Variants in CD8A observed in about 807,000 individuals in gnomAD.
CD8A encodes T-cell surface glycoprotein CD8 alpha chain.
CD8A carries 25 observed loss-of-function variants against 24.2 expected under a neutral mutation model. The observed-to-expected ratio is 1.03, with a 90% CI of 0.75 to 1.44. The LOEUF (loss-of-function observed/expected upper bound fraction) is 1.44, where lower values mean the gene tolerates loss of function less well. CD8A is among the 40% of genes most tolerant of loss of function. CD8A has a pLI of 0.00. For synonymous variants in CD8A, 165 were observed against 149.9 expected, an observed-to-expected ratio of 1.10 and a Z score of -0.74; for missense variants, 360 against 319.7, an observed-to-expected ratio of 1.13 and a Z score of -0.96.
At chr2:86,807,811 G>T in intron 1 of CD8A, 1 of 153,250 alleles carries the variant, frequency 6.5e-6, no homozygotes, top group Non-Finnish European at 1.5e-5. Flanking sequence ...GAGTGTGGTG[G>T]GCGCAGGGGC....
chr2:86,789,698 G>T lies in CD8A; in HGVS notation c.456C>A (p.Ile152=), dbSNP rs201388762. 9.3e-6 allele frequency: 13 copies of T among 1,405,112 alleles called. No homozygotes were observed. In the East Asian group the frequency reaches 3.4e-4, roughly 37 times the overall value. 87.0% of individuals were successfully genotyped at this position (1,405,112 alleles called of 1,614,324 possible). ...APRPPTPAPT[I]ASQPLSLRPE... is the part of the protein sequence containing the mutation. Reference sequence around the variant, plus strand: ...GGCGCAGGGACAGGGGCTGCGACGCGATGGTGGGCGCCGGTGTTGGTGGTC... The same window carrying T: ...GGCGCAGGGACAGGGGCTGCGACGCTATGGTGGGCGCCGGTGTTGGTGGTC... The change falls in exon 3 of 6, where the codon ATC becomes ATA. Residue 152 remains isoleucine, a synonymous_variant. Transcript: ENST00000283635.
In CD8A at chr2:86,785,296, T is replaced by C. The variant is rs537178280; in HGVS notation, c.*624A>G. The C allele has an allele frequency of 1.3e-5, 6 of 453,658 alleles. No homozygotes were observed. Among genetic ancestry groups the C allele is most frequent in the East Asian group, 6.9e-5 (1 of 14,396 alleles). 28.1% of individuals were successfully genotyped at this position (453,658 alleles called of 1,614,324 possible). ...GATTATAAAAAAAAAAAGTCTGATA[T>C]TGTTTACATTATAGAACTCTGCCAA... On this transcript the variant is annotated 3_prime_UTR_variant, in exon 6 of 6. Coordinates refer to ENST00000283635, the MANE Select transcript of CD8A (RefSeq NM_001768.7).
upstream of CD8A, chr2:86,791,767 C>A: frequency 2.4e-6 from 1 of 411,778 alleles, no homozygotes. Context: ...CATACACCTG[C>A]AGCTGCAGCT....
At chr2:86,793,505 G>A (rs1269961529), upstream of CD8A, among the ~76,000 whole-genome samples, 1 of 152,216 alleles carries the variant, frequency 6.6e-6, no homozygotes, top group Non-Finnish European at 1.5e-5. Flanking sequence ...GGGAGACAAG[G>A]AAGCAATCAA....
At chr2:86,805,434 C>T (rs1460242128) in intron 2 of CD8A, among the ~76,000 whole-genome samples, 1 of 152,180 alleles carries the variant, frequency 6.6e-6, no homozygotes. Flanking sequence ...GGTTCCAGTC[C>T]ACACTCACAC....
At chr2:86,796,619 T>C (rs528911313) in intron 3 of CD8A, among the ~76,000 whole-genome samples, 1 of 152,226 alleles carries the variant, frequency 6.6e-6, no homozygotes, top group Non-Finnish European at 1.5e-5. Context: ...ACTGTAAAAC[T>C]GATCCAATGA....
At chr2:86,791,634 C>T (rs921112105), upstream of CD8A, 6 of 454,046 alleles carry the variant, frequency 1.3e-5, no homozygotes, top group African/African-American at 4.0e-5. Flanking sequence ...GATCTGACAG[C>T]GTCACTGCTG....
chr2:86,802,944 A>G (rs1026265486), intron 2 of CD8A, among the ~76,000 whole-genome samples: 4 of 152,194 alleles, frequency 2.6e-5, no homozygotes, highest in Non-Finnish European at 5.9e-5. Flanking sequence ...AAAAGGAGTG[A>G]TGAAAAATTT....
chr2:86,797,437 A>G (rs1370135018), intron 3 of CD8A, among the ~76,000 whole-genome samples: 1 of 152,162 alleles, frequency 6.6e-6, no homozygotes, highest in African/African-American at 2.4e-5. Context: ...CTATAAGAGA[A>G]GCACAGAGAG....
At chr2:86,787,898 A>AGAGAGTGTGTGTGTGTGT (rs369993109) in intron 5 of CD8A, among the ~76,000 whole-genome samples, 5 of 144,490 alleles carry the variant, frequency 3.5e-5, no homozygotes, top group Admixed American at 6.9e-5. Flanking sequence ...AGAGAGAGAG[A>AGAGAGTGTGTGTGTGTGT]GTGTGTGTGT....
rs1350937172 is a variant in CD8A, at chr2:86,789,885, G to T, written c.404-135C>A. On this transcript the variant is annotated intron_variant, in intron 2 of 5. Transcript: ENST00000283635. ...GGAGAAGGGATAGCAGAGGAGACAG[G>T]ATGGGGACCCCGGGATGCGCGCGGA... The T allele has an allele frequency of 8.5e-6, 5 of 586,030 alleles. No individual in the cohort carries two copies. The East Asian group carries it at 1.6e-4, about 19-fold the overall frequency. 36.3% of individuals were successfully genotyped at this position (586,030 alleles called of 1,614,324 possible).
intron 1 of CD8A, 41 bp downstream of exon 1, chr2:86,790,736 G>GCCC: frequency 3.0e-6 from 2 of 658,614 alleles, no homozygotes; most frequent in Non-Finnish European, 4.6e-6. Flanking sequence ...CCCGCCCCCC[G>GCCC]CCCGCCCCAT....
At chr2:86,792,343 T>C (rs1046796696), upstream of CD8A, among the ~76,000 whole-genome samples, 1 of 152,270 alleles carries the variant, frequency 6.6e-6, no homozygotes, top group Non-Finnish European at 1.5e-5. Context: ...GCCCCACCCA[T>C]TAGTTCTGCT....
chr2:86,793,454 G>A (rs745453149), upstream of CD8A, among the ~76,000 whole-genome samples: 15 of 152,132 alleles, frequency 9.9e-5, no homozygotes, highest in Admixed American at 2.0e-4. Context: ...AGGGTCCCTC[G>A]CTGTGTAGAC....
intron 5 of CD8A, among the ~76,000 whole-genome samples, chr2:86,788,245 GTTTTTT>G (rs10663115): frequency 9.4e-5 from 12 of 127,110 alleles, no homozygotes; most frequent in South Asian, 2.5e-4. Flanking sequence ...AATCCCTCAG[GTTTTTT>G]TTTTTTTTTT....
At chr2:86,804,357 T>C (rs1473266122) in intron 2 of CD8A, among the ~76,000 whole-genome samples, 2 of 152,158 alleles carry the variant, frequency 1.3e-5, no homozygotes, top group Non-Finnish European at 2.9e-5. Flanking sequence ...TTCTATGTAT[T>C]TGAGGTATTT....
upstream of CD8A, among the ~76,000 whole-genome samples, chr2:86,795,218 C>A (rs1306946405): frequency 6.6e-6 from 1 of 152,214 alleles, no homozygotes; most frequent in Non-Finnish European, 1.5e-5. Context: ...TTGAGTGGCA[C>A]ACACTCAAGA....
chr2:86,793,768 T>C (rs1673391002), upstream of CD8A, among the ~76,000 whole-genome samples: 2 of 152,128 alleles, frequency 1.3e-5, no homozygotes, highest in South Asian at 4.1e-4. Context: ...ATGGCCAGAT[T>C]TGGGGGTGTA....
chr2:86,800,232 G>T (rs949893892), intron 3 of CD8A, among the ~76,000 whole-genome samples: 5 of 152,028 alleles, frequency 3.3e-5, no homozygotes, highest in African/African-American at 1.2e-4. Flanking sequence ...GGCCGCAGTG[G>T]GTGGATCACA....
Sources: gnomAD v4.1 joint callset for allele counts (sites outside exome capture counted in the v4.1 genomes callset) on GRCh38, gnomAD v4.1.1 for gene constraint, MANE v1.5 for transcripts, NCBI Gene and HGNC (gene_info 2026-07-23, HGNC 2026-07-21) for gene names.